MASP1: variants seen among roughly 807,000 people sequenced by gnomAD.
MASP1 encodes the protein MBL associated serine protease 1.
Under a neutral mutation model 77.1 loss-of-function variants are expected in MASP1, and 59 were observed. The observed-to-expected ratio is 0.77, with a 90% CI of 0.62 to 0.95. MASP1 has a LOEUF of 0.95. Among genes scored for constraint, MASP1 ranks in the 40% least tolerant of loss-of-function variants. MASP1 has a pLI of 0.00. For missense variants in MASP1, 885 were observed against 912.9 expected, an observed-to-expected ratio of 0.97 and a Z score of 0.39; for synonymous variants, 362 against 354.5, an observed-to-expected ratio of 1.02 and a Z score of -0.24.
At chr3:187,260,206 G>T (rs1184865220) in intron 4 of MASP1, among the ~76,000 whole-genome samples, 1 of 152,158 alleles carries the variant, frequency 6.6e-6, no homozygotes, top group African/African-American at 2.4e-5. Flanking sequence ...CTAAGCACGA[G>T]ACTATAGCAT....
At chr3:187,247,125 A>G in intron 8 of MASP1, 1 of 1,445,282 alleles carries the variant, frequency 6.9e-7, no homozygotes, top group Non-Finnish European at 9.1e-7. Context: ...ATAGTGTTTG[A>G]ATGATGGGCA....
intron 8 of MASP1, chr3:187,246,743 C>T: frequency 1.0e-6 from 1 of 978,084 alleles, no homozygotes; most frequent in South Asian, 4.6e-5. Context: ...AAGACAGAAC[C>T]TCTAATGATG....
At chr3:187,280,933 A>T (rs1717357562) in intron 2 of MASP1, among the ~76,000 whole-genome samples, 1 of 152,228 alleles carries the variant, frequency 6.6e-6, no homozygotes, top group Admixed American at 6.5e-5. Flanking sequence ...GACCTTAGAG[A>T]CCATCTGGTT....
chr3:187,277,312 G>A (rs550817817), intron 2 of MASP1, among the ~76,000 whole-genome samples: 36 of 152,268 alleles, frequency 2.4e-4, no homozygotes, highest in Non-Finnish European at 5.3e-4. Context: ...CTGAACTCAT[G>A]GGGCTGGCAA....
At chr3:187,255,275 G>T (rs1196490978) in intron 5 of MASP1, among the ~76,000 whole-genome samples, 1 of 152,186 alleles carries the variant, frequency 6.6e-6, no homozygotes, top group Non-Finnish European at 1.5e-5. Context: ...CAATGTAAAA[G>T]TATCTGAGCG....
At chr3:187,265,541 G>C (rs980811546) in intron 2 of MASP1, among the ~76,000 whole-genome samples, 1 of 152,172 alleles carries the variant, frequency 6.6e-6, no homozygotes, top group African/African-American at 2.4e-5. Flanking sequence ...AAGCAGAGAA[G>C]AGAAGGCCAG....
intron 1 of MASP1, among the ~76,000 whole-genome samples, chr3:187,290,207 C>T (rs1718197304): frequency 6.6e-6 from 1 of 152,020 alleles, no homozygotes. Flanking sequence ...GGGACAGAAA[C>T]AGAACAAAGG....
At chr3:187,256,378 C>G (rs187530946) in intron 5 of MASP1, among the ~76,000 whole-genome samples, 1 of 152,176 alleles carries the variant, frequency 6.6e-6, no homozygotes, top group East Asian at 1.9e-4. Flanking sequence ...GCATGGGAGG[C>G]GTGCTCATGA....
At chr3:187,290,845 G>A (rs1718261832) in intron 1 of MASP1, among the ~76,000 whole-genome samples, 1 of 151,628 alleles carries the variant, frequency 6.6e-6, no homozygotes, top group Non-Finnish European at 1.5e-5. Context: ...AGGGTGGTTG[G>A]GTTTTCAGAC....
At chr3:187,240,914 G>A (rs1394822890) in intron 10 of MASP1, among the ~76,000 whole-genome samples, 1 of 152,184 alleles carries the variant, frequency 6.6e-6, no homozygotes, top group Non-Finnish European at 1.5e-5. Context: ...GAGATTACAG[G>A]CATGAGCCAC....
chr3:187,259,913 C>A (rs1715414919), intron 4 of MASP1, among the ~76,000 whole-genome samples: 1 of 152,218 alleles, frequency 6.6e-6, no homozygotes, highest in African/African-American at 2.4e-5. Context: ...ATTCCAAGTT[C>A]TACCACACTT....
chr3:187,219,886 C>G (rs1711931717), exon 16 of MASP1: 1 of 665,662 alleles, frequency 1.5e-6, no homozygotes, highest in Non-Finnish European at 2.7e-6. Context: ...TCTGACCACT[C>G]TCTTGCTCCA....
intron 10 of MASP1, among the ~76,000 whole-genome samples, chr3:187,237,068 C>T (rs1713246771): frequency 6.6e-6 from 1 of 152,206 alleles, no homozygotes; most frequent in Admixed American, 6.5e-5. Flanking sequence ...AGACTGGGAA[C>T]AAAGATGCTG....
chr3:187,255,506 G>T (rs117603112), intron 5 of MASP1, among the ~76,000 whole-genome samples: 3 of 152,314 alleles, frequency 2.0e-5, no homozygotes, highest in East Asian at 3.9e-4. Flanking sequence ...TGGGATTTCT[G>T]ACTGACACAA....
rs1264932185 is a variant in MASP1 at position 187,234,660 on chromosome 3, G to A, written c.*1024C>T. 2 of 1,287,038 alleles carry A rather than the reference G, an allele frequency of 1.6e-6. No individual in the cohort carries two copies. Among genetic ancestry groups the A allele is most frequent in the African/African-American group, 1.5e-5 (1 of 65,772 alleles). 79.7% of individuals were successfully genotyped at this position (1,287,038 alleles called of 1,614,324 possible). ...TTCTCCGCCCAGCTCATGCCCCAGGGATGCCAGGCAGCCTGGCAGGATTTG... is the reference window on the plus strand; with the variant it reads ...TTCTCCGCCCAGCTCATGCCCCAGGAATGCCAGGCAGCCTGGCAGGATTTG... On this transcript the variant is annotated 3_prime_UTR_variant, in exon 11 of 11. Coordinates refer to ENST00000296280, the MANE Select transcript of MASP1 (RefSeq NM_139125.4).
Position 187,235,967 on chromosome 3 carries a change from T to A in MASP1, c.1904A>T (p.Glu635Val). Residue 635 changes from glutamate to valine, a missense_variant, in exon 11 of 11, where the codon GAG becomes GTG. Physicochemically the swap from Glu to Val is moderately radical, Grantham distance 121 (BLOSUM62 -2). Coordinates refer to ENST00000296280, the MANE Select transcript of MASP1 (RefSeq NM_139125.4). ...VPHAECKTSY[E>V]SRSGNYSVTE... ...GACGCTGTAATTGCCCGAGCGGGAC[T>A]CATAGCTAGTTTTGCACTCAGCGTG... is the stretch of plus-strand genomic sequence containing the variant. 6.2e-7 allele frequency: 1 copy of A among 1,614,252 alleles called. No individual in the cohort carries two copies. The highest frequency in any genetic ancestry group is 1.3e-5 in the African/African-American group (1 of 75,066).
At position 187,247,374 on chromosome 3, in the gene MASP1, C is replaced by T. The variant is rs113938200; in HGVS notation, c.1090+2877G>A. 16,518 of 1,613,832 alleles carry T rather than the reference C, an allele frequency of 0.01. 116 individuals carry two copies. The highest frequency in any genetic ancestry group is 0.013 in the Non-Finnish European group (15,066 of 1,179,916). The stretch of plus-strand genomic sequence containing the variant: ...TCTGACTTGAGTTCGCTCTCCAGAT[C>T]GATTTCATTTTCTGCCACCATGGTG... On this transcript the variant is annotated intron_variant, in intron 8 of 10. Transcript: ENST00000296280.
intron 8 of MASP1, among the ~76,000 whole-genome samples, chr3:187,245,480 C>T (rs934328606): frequency 6.6e-6 from 1 of 152,208 alleles, no homozygotes; most frequent in Admixed American, 6.5e-5. Context: ...GTAACTTTGC[C>T]CACTGATACA....
rs552157607 is a variant in MASP1, at chr3:187,239,291, T to C, written c.1303+2190A>G. Reference sequence around the variant, plus strand: ...TTGCTTGAACCCAGGAGGCAGAGATTGCAGTGAGCTGAGATCGCACCATTG... The same window carrying C: ...TTGCTTGAACCCAGGAGGCAGAGATCGCAGTGAGCTGAGATCGCACCATTG... On this transcript the variant is annotated intron_variant, in intron 10 of 10. Coordinates refer to ENST00000296280, the MANE Select transcript of MASP1 (RefSeq NM_139125.4). Among the ~76,000 whole-genome samples the C allele has an allele frequency of 2.0e-5, 3 of 152,098 alleles. No homozygotes were observed. In the South Asian group the frequency reaches 6.2e-4, roughly 32 times the overall value.
Sources: allele counts gnomAD v4.1 joint callset (sites outside exome capture counted in the v4.1 genomes callset), GRCh38; gene constraint gnomAD v4.1.1; transcripts MANE v1.5; gene names NCBI Gene and HGNC (gene_info 2026-07-23, HGNC 2026-07-21).